INTS6: variants seen among roughly 807,000 people sequenced by gnomAD.
The protein encoded by INTS6 is integrator complex subunit 6.
A neutral mutation model predicts 104.9 loss-of-function variants in INTS6; 16 were observed. The ratio of observed to expected loss-of-function variants is 0.15; its 90% confidence interval spans 0.10 to 0.23. INTS6 has a LOEUF of 0.23. INTS6 is among the 10% of genes least tolerant of loss of function. The pLI is 1.00. For missense variants in INTS6, 584 were observed against 1,062.8 expected (o/e 0.55, Z 6.26); for synonymous variants, 324 against 358.7 (o/e 0.90, Z 1.09).
chr13:51,443,944 AATG>A (rs1350130084), intron 3 of INTS6: 1 of 152,214 alleles, frequency 6.6e-6, no homozygotes, highest in Non-Finnish European at 1.5e-5. Flanking sequence ...AAATAAGTCC[AATG>A]ATGTCAAATA....
At chr13:51,337,241 G>A in the INTS6 span, among the ~76,000 whole-genome samples, 1 of 152,228 alleles carries the variant, frequency 6.6e-6, no homozygotes. Flanking sequence ...GCACAAAGGA[G>A]ATGCCTACCT....
intron 4 of INTS6, among the ~76,000 whole-genome samples, chr13:51,427,882 T>G (rs1243187138): frequency 6.6e-6 from 1 of 152,202 alleles, no homozygotes; most frequent in Non-Finnish European, 1.5e-5. Context: ...CTAACCTTAC[T>G]AGCAAGGTAG....
intron 11 of INTS6, 52 bp downstream of exon 11, chr13:51,379,410 T>C (rs1006482227): frequency 1.9e-6 from 2 of 1,061,052 alleles, no homozygotes; most frequent in African/African-American, 1.6e-5. Flanking sequence ...TTAACCATCC[T>C]AGCCAAAACC....
At chr13:51,392,169 G>A (rs61956942) in intron 5 of INTS6, among the ~76,000 whole-genome samples, 6,949 of 152,260 alleles carry the variant, frequency 0.046, 186 homozygotes, top group East Asian at 0.1. Flanking sequence ...AGGTGAAGTG[G>A]TATTTCAGAA....
intron 4 of INTS6, among the ~76,000 whole-genome samples, chr13:51,427,073 C>A (rs972029641): frequency 3.3e-5 from 5 of 152,010 alleles, no homozygotes; most frequent in Non-Finnish European, 7.4e-5. Context: ...ACATTTACTC[C>A]TGAAAAACAG....
chr13:51,447,079 T>C (rs1043668209), intron 3 of INTS6: 3 of 152,168 alleles, frequency 2.0e-5, no homozygotes, highest in Admixed American at 6.5e-5. Flanking sequence ...AATTAAAAAA[T>C]TTACAAAATA....
chr13:51,434,316 T>C (rs926730884), intron 3 of INTS6, among the ~76,000 whole-genome samples: 2 of 152,096 alleles, frequency 1.3e-5, no homozygotes, highest in Admixed American at 1.3e-4. Context: ...ATGTTTACTT[T>C]TAAAAACAAT....
chr13:51,403,028 C>G (rs1323098903), intron 4 of INTS6, among the ~76,000 whole-genome samples: 2 of 152,144 alleles, frequency 1.3e-5, no homozygotes. Context: ...GATTTGAGAT[C>G]ACCTTTTAGC....
chr13:51,432,425 G>A (rs1957108018), intron 3 of INTS6, among the ~76,000 whole-genome samples: 1 of 150,900 alleles, frequency 6.6e-6, no homozygotes, highest in Non-Finnish European at 1.5e-5. Context: ...GGTTAAGACA[G>A]TAAATTTTGT....
rs1272368626 is a variant in INTS6, at chr13:51,364,873, A to G, written c.*879T>C. The G allele has an allele frequency of 6.6e-6, 1 of 152,244 alleles. No homozygotes were observed. Among genetic ancestry groups the G allele is most frequent in the Non-Finnish European group, 1.5e-5 (1 of 67,996 alleles). 9.4% of individuals were successfully genotyped at this position (152,244 alleles called of 1,614,324 possible). ...TCCCTAACAGCTTCAGCTTCGTGCC[A>G]TCCACAATCCTAGTGATAAAGGAAA... On this transcript the variant is annotated 3_prime_UTR_variant, in exon 18 of 18. Transcript: ENST00000311234.
At chr13:51,385,701 A>G (rs1464349889) in intron 7 of INTS6, among the ~76,000 whole-genome samples, 1 of 152,166 alleles carries the variant, frequency 6.6e-6, no homozygotes, top group Non-Finnish European at 1.5e-5. Flanking sequence ...TATTTCTTCA[A>G]TATTGTAATT....
intron 3 of INTS6, among the ~76,000 whole-genome samples, chr13:51,435,573 G>T (rs1427768925): frequency 1.3e-5 from 2 of 151,926 alleles, no homozygotes; most frequent in Admixed American, 1.3e-4. Context: ...TGTTATTTTT[G>T]AAAGAAAATG....
chr13:51,370,293 G>C lies in INTS6; in HGVS notation c.2105-983C>G, dbSNP rs543531104. Among the ~76,000 whole-genome samples, 44 of 152,290 alleles carry C rather than the reference G, an allele frequency of 2.9e-4. No individual in the cohort carries two copies. The South Asian group carries it at 7.5e-3, about 26-fold the overall frequency. ...CTCCATAGGCATAAAAGGACATGGA[G>C]TCACTGATTCCTTCACTTCCTAGTG... is the stretch of plus-strand genomic sequence containing the variant. On this transcript the variant is annotated intron_variant, in intron 15 of 17. Coordinates refer to ENST00000311234, the MANE Select transcript of INTS6 (RefSeq NM_012141.3).
chr13:51,400,555 C>A (rs1454805528), intron 4 of INTS6, among the ~76,000 whole-genome samples: 1 of 152,146 alleles, frequency 6.6e-6, no homozygotes, highest in Non-Finnish European at 1.5e-5. Context: ...ACAGGCCATC[C>A]TTTCTATGCT....
chr13:51,361,999 TGTTTTTATG>T lies in INTS6; in HGVS notation c.*3744_*3752del. 1 of 1,610,250 alleles carries T rather than the reference TGTTTTTATG, an allele frequency of 6.2e-7. No individual in the cohort carries two copies. Among genetic ancestry groups the T allele is most frequent in the South Asian group, 1.1e-5 (1 of 90,586 alleles). ...CTCAAAAATAAGCATTCTTTCTAGC[TGTTTTTATG>T]GTGCTTCAGAAGCTACCCAGTTGCT... On this transcript the variant is annotated 3_prime_UTR_variant, in exon 18 of 18. Transcript: ENST00000311234.
chr13:51,338,711 G>A, the INTS6 span, among the ~76,000 whole-genome samples: 5 of 152,312 alleles, frequency 3.3e-5, no homozygotes, highest in Admixed American at 2.6e-4. Flanking sequence ...TTTATGTGAT[G>A]CAATTATAGA....
chr13:51,441,977 T>G (rs1186681611), intron 3 of INTS6: 1 of 151,894 alleles, frequency 6.6e-6, no homozygotes, highest in Non-Finnish European at 1.5e-5. Context: ...TGCACCACCA[T>G]GCCTGGCTAA....
downstream of INTS6, among the ~76,000 whole-genome samples, chr13:51,359,133 G>C (rs754199202): frequency 6.6e-6 from 1 of 152,040 alleles, no homozygotes; most frequent in Non-Finnish European, 1.5e-5. Flanking sequence ...AAAATAGGGC[G>C]TATGTCCCTC....
chr13:51,429,671 C>T (rs1475820716), intron 4 of INTS6, among the ~76,000 whole-genome samples: 2 of 143,466 alleles, frequency 1.4e-5, no homozygotes, highest in African/African-American at 5.2e-5. Context: ...GGCTGAGGCA[C>T]AAGAATCGCT....
Sources: allele counts gnomAD v4.1 joint callset (sites outside exome capture counted in the v4.1 genomes callset), GRCh38; gene constraint gnomAD v4.1.1; transcripts MANE v1.5; gene names NCBI Gene and HGNC (gene_info 2026-07-23, HGNC 2026-07-21).